Variants in GPAM observed in about 807,000 individuals in gnomAD.
GPAM encodes the protein glycerol-3-phosphate acyltransferase 1, mitochondrial.
Under a neutral mutation model 105.0 loss-of-function variants are expected in GPAM, and 56 were observed. That is an observed-to-expected ratio of 0.53 (90% CI 0.43 to 0.67). The LOEUF (loss-of-function observed/expected upper bound fraction) is 0.67, where lower values mean the gene tolerates loss of function less well. Ranked by LOEUF, GPAM falls within the 30% of genes least tolerant of loss-of-function variation. GPAM has a pLI of 0.00. For missense variants in GPAM, 855 were observed against 989.8 expected, an observed-to-expected ratio of 0.86 and a Z score of 1.83; for synonymous variants, 368 against 354.4, an observed-to-expected ratio of 1.04 and a Z score of -0.43.
Position 112,175,679 on chromosome 10 carries a change from C to G in GPAM, c.334G>C (p.Val112Leu), listed in dbSNP as rs369503564. The G allele has an allele frequency of 6.2e-6, 10 of 1,612,958 alleles. No individual in the cohort carries two copies. The African/African-American group carries it at 8.0e-5, about 13-fold the overall frequency. Residue 112 changes from valine to leucine, a missense_variant, in exon 6 of 22, where the codon GTT (valine) becomes CTT (leucine). Transcript: ENST00000348367. ...RGWLARRLSY[V>L]LFIQERDVHK... is the part of the protein sequence containing the mutation. ...ACATCTCGCTCTTGAATAAAAAGAA[C>G]GTAAGAAAGGCGTCTTGCAAGCCAT...
chr10:112,156,550 G>A (rs1314274949), intron 19 of GPAM: 5 of 181,480 alleles, frequency 2.8e-5, no homozygotes, highest in African/African-American at 4.8e-5. Context: ...CCACTGTGAC[G>A]GCGGTGCTTT....
rs561207954 is a variant in GPAM, at chr10:112,162,736, T to C, written c.1423+965A>G. The stretch of plus-strand genomic sequence containing the variant: ...TGGAAAGCTGCACAATACAAAACTG[T>C]AAAAAATATTTTTAGAGACTACACA... On this transcript the variant is annotated intron_variant, in intron 14 of 21. Transcript: ENST00000348367. Among the ~76,000 whole-genome samples the C allele has an allele frequency of 3.9e-5, 6 of 152,188 alleles. No individual in the cohort carries two copies. In the South Asian group the frequency reaches 1.2e-3, roughly 32 times the overall value.
chr10:112,163,355 C>T (rs1479253378), intron 14 of GPAM, among the ~76,000 whole-genome samples: 1 of 152,202 alleles, frequency 6.6e-6, no homozygotes, highest in Non-Finnish European at 1.5e-5. Context: ...GAGAAATGGA[C>T]ATGCAACTAT....
intron 16 of GPAM, 143 bp from the exon 17 acceptor site, chr10:112,160,196 C>A: frequency 1.0e-6 from 1 of 952,584 alleles, no homozygotes; most frequent in Non-Finnish European, 1.6e-6. Flanking sequence ...TCCCATAAGA[C>A]TAAATTCTTA....
intron 8 of GPAM, among the ~76,000 whole-genome samples, 164 bp from the exon 9 acceptor site, chr10:112,172,482 A>G (rs1156416166): frequency 6.6e-6 from 1 of 152,210 alleles, no homozygotes; most frequent in Non-Finnish European, 1.5e-5. Context: ...ATACTTTCTG[A>G]GCTAAAAAGA....
intron 1 of GPAM, among the ~76,000 whole-genome samples, chr10:112,202,063 C>A (rs191196895): frequency 6.6e-6 from 1 of 152,242 alleles, no homozygotes; most frequent in East Asian, 1.9e-4. Flanking sequence ...AGCAAGGAAC[C>A]AAGACTTGAT....
At position 112,152,710 on chromosome 10, in the gene GPAM, G is replaced by C. The variant is rs1318775101; in HGVS notation, c.*840C>G. On this transcript the variant is annotated 3_prime_UTR_variant, in exon 22 of 22. Coordinates refer to ENST00000348367, the MANE Select transcript of GPAM (RefSeq NM_001244949.2). ...CCTGTGAGAGGCAGGTATTACCTGA[G>C]GGGTGGACGAGGTACAGACATAAAA... 1.0e-6 allele frequency: 1 copy of C among 983,986 alleles called. No homozygotes were observed. Among genetic ancestry groups the C allele is most frequent in the Non-Finnish European group, 1.2e-6 (1 of 828,696 alleles). 61.0% of individuals were successfully genotyped at this position (983,986 alleles called of 1,614,324 possible).
chr10:112,159,726 G>C (rs1847087301), intron 17 of GPAM, among the ~76,000 whole-genome samples, 185 bp downstream of exon 17: 1 of 152,224 alleles, frequency 6.6e-6, no homozygotes, highest in Non-Finnish European at 1.5e-5. Context: ...CAGTGGAGCA[G>C]TGACCCAGAG....
At chr10:112,227,405 C>T in the GPAM span, among the ~76,000 whole-genome samples, 1 of 152,230 alleles carries the variant, frequency 6.6e-6, no homozygotes, top group Non-Finnish European at 1.5e-5. Flanking sequence ...AGAGCCTTCT[C>T]TCCTGCTCTG....
intron 1 of GPAM, among the ~76,000 whole-genome samples, chr10:112,203,037 A>G (rs747508241): frequency 2.6e-5 from 4 of 152,082 alleles, no homozygotes; most frequent in African/African-American, 4.8e-5. Context: ...GTGGTGCTTG[A>G]CGGTGTGTAA....
chr10:112,217,522 A>C (rs988459286), upstream of GPAM, among the ~76,000 whole-genome samples: 13 of 151,936 alleles, frequency 8.6e-5, no homozygotes, highest in Non-Finnish European at 1.8e-4. Flanking sequence ...CCACGAATTC[A>C]CAACCTCATA....
intron 14 of GPAM, among the ~76,000 whole-genome samples, chr10:112,162,553 T>G (rs1183357761): frequency 1.3e-5 from 2 of 152,160 alleles, no homozygotes; most frequent in Non-Finnish European, 2.9e-5. Context: ...CACGATAACA[T>G]TTGTGAGTTT....
At chr10:112,218,345 C>T (rs187970441), upstream of GPAM, among the ~76,000 whole-genome samples, 1 of 152,250 alleles carries the variant, frequency 6.6e-6, no homozygotes. Context: ...GAAAACAGAG[C>T]GACTATGGAG....
chr10:112,160,673 G>A lies in GPAM; in HGVS notation c.1690C>T (p.Pro564Ser). The change falls in exon 16 of 22, where the codon CCA becomes TCA. Residue 564 changes from proline to serine, a missense_variant. Pro to Ser is a moderately conservative substitution (Grantham distance 74, BLOSUM62 -1). Coordinates refer to ENST00000348367, the MANE Select transcript of GPAM (RefSeq NM_001244949.2). ...EFFITPSTTV[P>S]SVFELNFYSN... ...TAGAAGTTGAGTTCGAAGACTGATG[G>A]GACAGTTGTGCTGGGGGTGATAAAA... The A allele has an allele frequency of 6.2e-7, 1 of 1,613,346 alleles. No individual in the cohort carries two copies. The highest frequency in any genetic ancestry group is 8.5e-7 in the Non-Finnish European group (1 of 1,179,290).
chr10:112,175,363 T>C (rs1847384183), intron 6 of GPAM, among the ~76,000 whole-genome samples: 1 of 152,174 alleles, frequency 6.6e-6, no homozygotes, highest in African/African-American at 2.4e-5. Context: ...TAGAAACCCA[T>C]TCAATTATTA....
At position 112,150,433 on chromosome 10, in the gene GPAM, A is replaced by G; in HGVS notation, c.*3117T>C. 1 of 985,714 alleles carries G rather than the reference A, an allele frequency of 1.0e-6. No homozygotes were observed. Among genetic ancestry groups the G allele is most frequent in the Non-Finnish European group, 1.2e-6 (1 of 829,872 alleles). 61.1% of individuals were successfully genotyped at this position (985,714 alleles called of 1,614,324 possible). Reference sequence around the variant, plus strand: ...AAGAGCTCCGATCACCTACATTATAATTTTCTGTGCTTATTTTCTGCAGGG... The same window carrying G: ...AAGAGCTCCGATCACCTACATTATAGTTTTCTGTGCTTATTTTCTGCAGGG... On this transcript the variant is annotated 3_prime_UTR_variant, in exon 22 of 22. Transcript: ENST00000348367.
At chr10:112,168,993 G>A in intron 9 of GPAM, 41 bp from the exon 10 acceptor site, 1 of 1,255,860 alleles carries the variant, frequency 8.0e-7, no homozygotes, top group Non-Finnish European at 1.2e-6. Context: ...AAAGAAAAAT[G>A]TAAAAAGAAT....
Position 112,159,892 on chromosome 10 carries a change from C to G in GPAM, c.1902+19G>C. The stretch of plus-strand genomic sequence containing the variant: ...GCTCAAGAAAAGAGACCAGGCAACA[C>G]TGAAGGGTCTTCACTCACCAGTGAG... On this transcript the variant is annotated intron_variant, in intron 17 of 21. Transcript: ENST00000348367. 1 of 1,612,626 alleles carries G rather than the reference C, an allele frequency of 6.2e-7. No homozygotes were observed. The highest frequency in any genetic ancestry group is 8.5e-7 in the Non-Finnish European group (1 of 1,178,936).
chr10:112,173,995 G>C (rs1017603880), intron 6 of GPAM, 150 bp from the exon 7 acceptor site: 8 of 691,018 alleles, frequency 1.2e-5, no homozygotes, highest in East Asian at 8.1e-5. Context: ...CAAGCTAGAA[G>C]TGCTCTTTCT....
Sources: gnomAD v4.1 joint callset for allele counts (sites outside exome capture counted in the v4.1 genomes callset) on GRCh38, gnomAD v4.1.1 for gene constraint, MANE v1.5 for transcripts, NCBI Gene and HGNC (gene_info 2026-07-23, HGNC 2026-07-21) for gene names.